The following PBLD variants were observed in gnomAD, a reference collection of about 807,000 sequenced individuals.
PBLD encodes the protein phenazine biosynthesis-like domain-containing protein.
In PBLD, 26 loss-of-function variants were observed where a neutral mutation model predicts 31.3. That is an observed-to-expected ratio of 0.83 (90% CI 0.61 to 1.15). PBLD has a LOEUF of 1.15. PBLD is among the 50% of genes most tolerant of loss of function. The probability of loss-of-function intolerance (pLI) is 0.00; values close to 1 mark genes in which losing one functional copy is unlikely to be tolerated. For synonymous variants in PBLD, 114 were observed against 129.0 expected (o/e 0.88, Z 0.79); for missense variants, 307 against 351.7 (o/e 0.87, Z 1.02).
At position 68,292,055 on chromosome 10, in the gene PBLD, A is replaced by T; in HGVS notation, c.394-16T>A. On this transcript the variant is annotated splice_polypyrimidine_tract_variant and intron_variant, in intron 5 of 9. Coordinates refer to ENST00000358769, the MANE Select transcript of PBLD (RefSeq NM_022129.4). ...CATGGAAGTCCTAGATGGGGGGAAA[A>T]AAAACAAAATTATTATAAAACAGGA... The T allele has an allele frequency of 6.3e-7, 1 of 1,598,890 alleles. No individual in the cohort carries two copies.
At chr10:68,301,967 G>T (rs1242059750) in intron 2 of PBLD, among the ~76,000 whole-genome samples, 1 of 152,162 alleles carries the variant, frequency 6.6e-6, no homozygotes, top group Non-Finnish European at 1.5e-5. Context: ...AACAGTAGCA[G>T]CCCACAACAT....
intron 1 of PBLD, among the ~76,000 whole-genome samples, chr10:68,320,337 A>G (rs1369464363): frequency 2.6e-5 from 4 of 152,208 alleles, no homozygotes; most frequent in Non-Finnish European, 5.9e-5. Flanking sequence ...AATTATAAAC[A>G]TATACACACC....
intron 1 of PBLD, among the ~76,000 whole-genome samples, chr10:68,318,803 C>T (rs968716611): frequency 1.3e-5 from 2 of 151,664 alleles, no homozygotes; most frequent in Admixed American, 1.3e-4. Flanking sequence ...CAGTGGCTCA[C>T]GTCTATAATC....
At chr10:68,323,152 T>G (rs1218929868) in intron 1 of PBLD, among the ~76,000 whole-genome samples, 1 of 152,210 alleles carries the variant, frequency 6.6e-6, no homozygotes, top group Non-Finnish European at 1.5e-5. Context: ...AAATTTTATT[T>G]TTTTTAATGA....
chr10:68,306,712 T>C (rs1200647186), intron 2 of PBLD, 49 bp downstream of exon 2: 4 of 1,515,466 alleles, frequency 2.6e-6, no homozygotes, highest in Non-Finnish European at 3.7e-6. Flanking sequence ...TAATTGTTTC[T>C]ACAGGAATCT....
At chr10:68,289,663 T>TCACACACACACAAACACACACACA (rs2044331938) in intron 6 of PBLD, among the ~76,000 whole-genome samples, 1 of 136,400 alleles carries the variant, frequency 7.3e-6, no homozygotes, top group Non-Finnish European at 1.6e-5. Context: ...AGGCCAAAGA[T>TCACACACACACAAACACACACACA]CACACACACA....
intron 4 of PBLD, 22 bp downstream of exon 4, chr10:68,296,244 T>C (rs758692701): frequency 4.5e-6 from 7 of 1,570,884 alleles, no homozygotes; most frequent in Non-Finnish European, 6.1e-6. Flanking sequence ...AGTGTTAGAT[T>C]CATTAAAGAA....
intron 1 of PBLD, among the ~76,000 whole-genome samples, chr10:68,313,113 C>T (rs1295768173): frequency 6.6e-6 from 1 of 152,140 alleles, no homozygotes; most frequent in African/African-American, 2.4e-5. Flanking sequence ...GGGGTTCTCG[C>T]CATGTTGCCC....
At chr10:68,319,314 A>G (rs150146801) in intron 1 of PBLD, among the ~76,000 whole-genome samples, 1,545 of 152,358 alleles carry the variant, frequency 0.01, 10 homozygotes, top group Non-Finnish European at 0.014. Context: ...CATGAACTCT[A>G]CCTTATCAGT....
chr10:68,319,114 A>AAG (rs59508780), intron 1 of PBLD, among the ~76,000 whole-genome samples: 4 of 125,970 alleles, frequency 3.2e-5, no homozygotes, highest in South Asian at 2.8e-4. Flanking sequence ...AAAGAAAGGA[A>AAG]AAAGAAAGAA....
At chr10:68,298,895 A>G (rs1227806383) in intron 2 of PBLD, among the ~76,000 whole-genome samples, 3 of 152,036 alleles carry the variant, frequency 2.0e-5, no homozygotes, top group Non-Finnish European at 4.4e-5. Flanking sequence ...TCACGAGGTC[A>G]GGAGTTTGAG....
intron 1 of PBLD, among the ~76,000 whole-genome samples, chr10:68,322,712 A>G (rs1403297031): frequency 6.6e-6 from 1 of 152,004 alleles, no homozygotes; most frequent in East Asian, 1.9e-4. Flanking sequence ...AACTTGTGAC[A>G]AATGTAGCAT....
chr10:68,310,651 T>G (rs894915278), intron 1 of PBLD, among the ~76,000 whole-genome samples: 1 of 149,666 alleles, frequency 6.7e-6, no homozygotes, highest in African/African-American at 2.5e-5. Flanking sequence ...ACTCTCTACT[T>G]CTACAGTGTC....
At chr10:68,317,662 T>C (rs542263801) in intron 1 of PBLD, among the ~76,000 whole-genome samples, 63 of 151,892 alleles carry the variant, frequency 4.1e-4, no homozygotes, top group Admixed American at 3.5e-3. Context: ...TAGGTGGGCA[T>C]GGTCATGTGC....
chr10:68,323,278 T>C (rs1449448722), intron 1 of PBLD, among the ~76,000 whole-genome samples: 2 of 151,458 alleles, frequency 1.3e-5, no homozygotes, highest in African/African-American at 4.9e-5. Flanking sequence ...TAAGAGACCC[T>C]AGGCTGGGCA....
intron 1 of PBLD, among the ~76,000 whole-genome samples, chr10:68,320,544 C>T (rs1407428314): frequency 6.6e-6 from 1 of 152,140 alleles, no homozygotes; most frequent in Non-Finnish European, 1.5e-5. Context: ...TATGCACATC[C>T]TCCCATATAC....
chr10:68,319,107 GAAAGGAA>G (rs1564737566), intron 1 of PBLD, among the ~76,000 whole-genome samples: 9 of 120,660 alleles, frequency 7.5e-5, no homozygotes, highest in African/African-American at 2.7e-4. Context: ...AAGAAAGAAA[GAAAGGAA>G]AAAGAAAGAA....
intron 2 of PBLD, among the ~76,000 whole-genome samples, chr10:68,302,002 C>T (rs893230674): frequency 2.0e-5 from 3 of 152,202 alleles, no homozygotes; most frequent in African/African-American, 7.2e-5. Context: ...TGGACTTTCA[C>T]TGAATTTCTA....
chr10:68,306,720 T>G, intron 2 of PBLD, 41 bp downstream of exon 2: 1 of 1,534,450 alleles, frequency 6.5e-7, no homozygotes, highest in Non-Finnish European at 9.0e-7. Context: ...TCTACAGGAA[T>G]CTAGAATTTC....
Sources: gnomAD v4.1 joint callset for allele counts (sites outside exome capture counted in the v4.1 genomes callset) on GRCh38, gnomAD v4.1.1 for gene constraint, MANE v1.5 for transcripts, NCBI Gene and HGNC (gene_info 2026-07-23, HGNC 2026-07-21) for gene names.